Variants in TGFBR2 observed in about 807,000 individuals in gnomAD.
The protein encoded by TGFBR2 is transforming growth factor beta receptor 2, also known as TGF-beta receptor type-2.
Under a neutral mutation model 49.0 loss-of-function variants are expected in TGFBR2, and 18 were observed. The observed-to-expected ratio is 0.37, with a 90% confidence interval of 0.25 to 0.54. The LOEUF is 0.54. Ranked by LOEUF, TGFBR2 falls within the 20% of genes least tolerant of loss-of-function variation. The pLI is 0.85. For synonymous variants in TGFBR2, 282 were observed against 275.9 expected, an observed-to-expected ratio of 1.02 and a Z score of -0.22; for missense variants, 525 against 722.6, an observed-to-expected ratio of 0.73 and a Z score of 3.13.
At chr3:30,647,560 TTTCATTCATTCA>T (rs139204908) in intron 2 of TGFBR2, among the ~76,000 whole-genome samples, 10 of 151,286 alleles carry the variant, frequency 6.6e-5, no homozygotes, top group African/African-American at 2.2e-4. Flanking sequence ...TTTAGTGTTT[TTTCATTCATTCA>T]TTCATTCATT....
chr3:30,688,342 T>C, intron 5 of TGFBR2, 42 bp from the exon 6 acceptor site: 1 of 1,613,902 alleles, frequency 6.2e-7, no homozygotes, highest in South Asian at 1.1e-5. Flanking sequence ...TGGCTGCACA[T>C]GCCATTCTCA....
rs1332138742 is a variant in TGFBR2, at chr3:30,672,175, G to A, written c.992G>A (p.Gly331Asp). ...YWLITAFHAK[G>D]NLQEYLTRHV... Reference sequence around the variant, plus strand: ...CTGATCACCGCCTTCCACGCCAAGGGCAACCTACAGGAGTACCTGACGCGG... The same window carrying A: ...CTGATCACCGCCTTCCACGCCAAGGACAACCTACAGGAGTACCTGACGCGG... The change falls in exon 4 of 7, where the codon GGC becomes GAC. Residue 331 changes from glycine (G) to aspartate (D), a missense_variant. Around this residue, in one of 3 missense-constraint regions of TGFBR2, gnomAD observed 376 missense variants for 478.2 expected, o/e 0.79. Transcript: ENST00000295754. The surrounding 1 kb of genome is among the most constrained non-coding windows in gnomAD (Gnocchi z 4.5). The A allele has an allele frequency of 3.7e-6, 6 of 1,614,122 alleles. No homozygotes were observed.
At chr3:30,681,052 ATAGAAGCTGACACG>A (rs1425259306) in intron 5 of TGFBR2, among the ~76,000 whole-genome samples, 4 of 151,864 alleles carry the variant, frequency 2.6e-5, no homozygotes, top group African/African-American at 9.7e-5. Flanking sequence ...AGGCCTTTGA[ATAGAAGCTGACACG>A]TAGCAGCCAG....
intron 3 of TGFBR2, among the ~76,000 whole-genome samples, chr3:30,661,302 G>A (rs1314580658): frequency 6.6e-6 from 1 of 152,214 alleles, no homozygotes; most frequent in Non-Finnish European, 1.5e-5. Context: ...AACTCTCTTT[G>A]TGGGAGGACA....
intron 5 of TGFBR2, among the ~76,000 whole-genome samples, chr3:30,686,778 G>A (rs1449359203): frequency 6.6e-6 from 1 of 152,202 alleles, no homozygotes; most frequent in African/African-American, 2.4e-5. Flanking sequence ...TTAGTACTGG[G>A]ATGTTTTCTA....
intron 1 of TGFBR2, among the ~76,000 whole-genome samples, chr3:30,624,235 G>A (rs1698288302): frequency 6.6e-6 from 1 of 152,134 alleles, no homozygotes; most frequent in South Asian, 2.1e-4. Flanking sequence ...CTAATATTTA[G>A]TCAAATTGCT....
intron 2 of TGFBR2, among the ~76,000 whole-genome samples, chr3:30,647,705 C>A (rs907787178): frequency 1.3e-5 from 2 of 151,946 alleles, no homozygotes; most frequent in Non-Finnish European, 2.9e-5. Flanking sequence ...GAGAGGGAGT[C>A]TCCCACTGTT....
At chr3:30,634,673 C>A (rs1421959248) in intron 1 of TGFBR2, among the ~76,000 whole-genome samples, 2 of 152,164 alleles carry the variant, frequency 1.3e-5, no homozygotes, top group African/African-American at 4.8e-5. Flanking sequence ...AATGTTTTGA[C>A]CATCACCAAG....
At chr3:30,636,733 CGTGTGTGTGTGT>C (rs3076736) in intron 1 of TGFBR2, among the ~76,000 whole-genome samples, 9 of 146,592 alleles carry the variant, frequency 6.1e-5, no homozygotes, top group Non-Finnish European at 1.1e-4. Flanking sequence ...TGTGTGTGCA[CGTGTGTGTGTGT>C]GTGTGTGTGT....
At chr3:30,619,295 C>T (rs950134224) in intron 1 of TGFBR2, among the ~76,000 whole-genome samples, 27 of 152,190 alleles carry the variant, frequency 1.8e-4, no homozygotes, top group Admixed American at 6.5e-5. Context: ...TAATTGGTCT[C>T]TGCTTATGGA....
intron 3 of TGFBR2, among the ~76,000 whole-genome samples, chr3:30,654,029 GTTTTCCTT>G (rs1318993127): frequency 2.0e-5 from 3 of 151,872 alleles, no homozygotes; most frequent in Non-Finnish European, 2.9e-5. Context: ...ACCTGTGAAG[GTTTTCCTT>G]TTTTCCTTTT....
intron 5 of TGFBR2, among the ~76,000 whole-genome samples, chr3:30,682,802 C>A (rs1699561157): frequency 6.6e-6 from 1 of 152,140 alleles, no homozygotes; most frequent in Non-Finnish European, 1.5e-5. Context: ...CAAATAACAA[C>A]CACCCAGCAG....
intron 3 of TGFBR2, among the ~76,000 whole-genome samples, chr3:30,666,384 CTT>C (rs1383620674): frequency 6.6e-6 from 1 of 152,140 alleles, no homozygotes; most frequent in African/African-American, 2.4e-5. Context: ...TCACATAAAA[CTT>C]TTTATTTCCT....
chr3:30,627,302 C>T (rs1258600985), intron 1 of TGFBR2, among the ~76,000 whole-genome samples: 1 of 152,066 alleles, frequency 6.6e-6, no homozygotes, highest in Non-Finnish European at 1.5e-5. Context: ...TGACAAGTCC[C>T]CACTTCAGGT....
chr3:30,648,140 G>A (rs986972950), intron 2 of TGFBR2, among the ~76,000 whole-genome samples: 1 of 152,142 alleles, frequency 6.6e-6, no homozygotes, highest in Non-Finnish European at 1.5e-5. Context: ...TGAAAAGTTA[G>A]CTGTGCCTGG....
chr3:30,665,322 A>G (rs1053555938), intron 3 of TGFBR2, among the ~76,000 whole-genome samples: 1 of 152,260 alleles, frequency 6.6e-6, no homozygotes, highest in East Asian at 1.9e-4. Context: ...TAACAAGAAT[A>G]CTTATTTACT....
intron 5 of TGFBR2, among the ~76,000 whole-genome samples, chr3:30,682,102 C>T (rs1699551926): frequency 2.6e-5 from 4 of 152,138 alleles, no homozygotes; most frequent in Admixed American, 1.3e-4. Flanking sequence ...CACTCCAGCC[C>T]TTCTGCCTGT....
At chr3:30,610,064 C>T (rs1204686514) in intron 1 of TGFBR2, among the ~76,000 whole-genome samples, 2 of 152,120 alleles carry the variant, frequency 1.3e-5, no homozygotes, top group Non-Finnish European at 2.9e-5. Flanking sequence ...ATCAATAAGG[C>T]ACCTCTGATA....
chr3:30,611,231 C>G (rs1433260075), intron 1 of TGFBR2, among the ~76,000 whole-genome samples: 2 of 152,172 alleles, frequency 1.3e-5, no homozygotes, highest in Non-Finnish European at 2.9e-5. Context: ...TGAGCTGAGC[C>G]TCCACTTCAT....
Sources: allele counts gnomAD v4.1 joint callset (sites outside exome capture counted in the v4.1 genomes callset), GRCh38; gene constraint gnomAD v4.1.1; regional missense constraint gnomAD v4.1.1; non-coding constraint Gnocchi (gnomAD v3.1); transcripts MANE v1.5; gene names NCBI Gene and HGNC (gene_info 2026-07-23, HGNC 2026-07-21).